SOHLH2: variants seen among roughly 807,000 people sequenced by gnomAD.
SOHLH2 encodes the protein spermatogenesis and oogenesis specific basic helix-loop-helix 2.
A neutral mutation model predicts 50.4 loss-of-function variants in SOHLH2; 22 were observed. The ratio of observed to expected loss-of-function variants is 0.44; its 90% CI spans 0.31 to 0.62. SOHLH2 has a LOEUF of 0.62. Among genes scored for constraint, SOHLH2 ranks in the 20% least tolerant of loss-of-function variants. The pLI is 0.08. For missense variants in SOHLH2, 412 were observed against 504.4 expected (o/e 0.82, Z 1.76); for synonymous variants, 185 against 187.3 (o/e 0.99, Z 0.10).
chr13:36,214,199 C>T (rs1392977068), intron 1 of SOHLH2, among the ~76,000 whole-genome samples: 1 of 152,160 alleles, frequency 6.6e-6, no homozygotes. Context: ...CCTTGGCCTC[C>T]TCTCCCGAGA....
In SOHLH2 at chr13:36,174,733, CG is replaced by C. The variant is rs1566035455; in HGVS notation, c.777del (p.Val260LeufsTer13). ...VKYIREKISP[A>X]VMAQITEALQ... is the part of the protein sequence containing the mutation. ...TGGGAGTCAAATACCTGGGCCATAACGGCTGGAGAGATTTTCTCCCGGATAT... is the reference window on the plus strand; with the variant it reads ...TGGGAGTCAAATACCTGGGCCATAACGCTGGAGAGATTTTCTCCCGGATAT... On this transcript the variant is annotated frameshift_variant, in exon 7 of 11. Transcript: ENST00000379881. LOFTEE classifies it high-confidence loss of function. 1.2e-6 allele frequency: 2 copies of C among 1,605,972 alleles called. No individual in the cohort carries two copies. Among genetic ancestry groups the C allele is most frequent in the Non-Finnish European group, 1.7e-6 (2 of 1,177,078 alleles).
chr13:36,214,475 T>A lies in SOHLH2; in HGVS notation c.48+4A>T, dbSNP rs373372704. On this transcript the variant is annotated splice_donor_region_variant and intron_variant, in intron 1 of 10. Coordinates refer to ENST00000379881, the MANE Select transcript of SOHLH2 (RefSeq NM_017826.3). The stretch of plus-strand genomic sequence containing the variant: ...CAGCTGCCTCCCCTTCCACAGCCTC[T>A]TACCTGGCCCGAGATCTGGCAGTGC... The A allele has an allele frequency of 6.2e-7, 1 of 1,612,508 alleles. No homozygotes were observed. The highest frequency in any genetic ancestry group is 1.3e-5 in the African/African-American group (1 of 74,848).
At chr13:36,213,866 T>C (rs1869268476) in intron 1 of SOHLH2, among the ~76,000 whole-genome samples, 1 of 152,082 alleles carries the variant, frequency 6.6e-6, no homozygotes, top group Non-Finnish European at 1.5e-5. Context: ...GAGACGGGAA[T>C]GCAGGAAAAT....
intron 10 of SOHLH2, 146 bp from the exon 11 acceptor site, chr13:36,169,200 T>A: frequency 8.2e-7 from 1 of 1,219,372 alleles, no homozygotes; most frequent in Non-Finnish European, 1.1e-6. Flanking sequence ...GCTTACAGGT[T>A]TTTAAATATA....
chr13:36,202,122 A>G lies in SOHLH2; in HGVS notation c.49-29T>C, dbSNP rs201554078. 2.1e-4 allele frequency: 336 copies of G among 1,611,978 alleles called. 1 individual carries two copies. Among genetic ancestry groups the G allele is most frequent in the African/African-American group, 3.5e-4 (26 of 75,028 alleles). ...AAAGAGAAGGAAGCAGAGGCGTCAC[A>G]TAATTATTGCCTAGGCATAGGGAAA... On this transcript the variant is annotated intron_variant, in intron 1 of 10. Transcript: ENST00000379881.
intron 10 of SOHLH2, 54 bp from the exon 11 acceptor site, chr13:36,169,108 C>T: frequency 1.3e-6 from 2 of 1,572,010 alleles, no homozygotes; most frequent in Admixed American, 2.0e-5. Flanking sequence ...CACTCTTACT[C>T]ATAATGTCAT....
At chr13:36,193,268 A>C (rs1887627352) in intron 4 of SOHLH2, among the ~76,000 whole-genome samples, 1 of 152,242 alleles carries the variant, frequency 6.6e-6, no homozygotes, top group Non-Finnish European at 1.5e-5. Context: ...AGAAAGCACA[A>C]TACAATTGTA....
intron 2 of SOHLH2, 53 bp from the exon 3 acceptor site, chr13:36,193,920 T>C: frequency 9.0e-6 from 14 of 1,554,662 alleles, no homozygotes; most frequent in Non-Finnish European, 1.1e-5. Context: ...TTCAAAAAAT[T>C]GAGATTCAGG....
chr13:36,213,948 C>T (rs1401108812), intron 1 of SOHLH2, among the ~76,000 whole-genome samples: 2 of 151,992 alleles, frequency 1.3e-5, no homozygotes, highest in African/African-American at 4.8e-5. Flanking sequence ...GCCACCAGCC[C>T]CAGAGTGCCT....
chr13:36,187,744 G>T (rs1887460334), intron 6 of SOHLH2, among the ~76,000 whole-genome samples: 1 of 152,182 alleles, frequency 6.6e-6, no homozygotes, highest in African/African-American at 2.4e-5. Flanking sequence ...ATTTTCCATG[G>T]AAGAGACATT....
chr13:36,191,281 A>G (rs1292829367), intron 5 of SOHLH2, among the ~76,000 whole-genome samples: 1 of 152,294 alleles, frequency 6.6e-6, no homozygotes, highest in African/African-American at 2.4e-5. Context: ...ATACCAAACA[A>G]GAAGATTCCA....
chr13:36,189,999 G>T lies in SOHLH2; in HGVS notation c.588C>A (p.Phe196Leu). 1 of 1,604,830 alleles carries T rather than the reference G, an allele frequency of 6.2e-7. No homozygotes were observed. The highest frequency in any genetic ancestry group is 1.1e-5 in the South Asian group (1 of 89,530). Residue 196 changes from phenylalanine (F) to leucine (L), a missense_variant, in exon 6 of 11, where the codon TTC becomes TTA. Phe to Leu is a conservative substitution (Grantham distance 22). Coordinates refer to ENST00000379881, the MANE Select transcript of SOHLH2 (RefSeq NM_017826.3). ...GLELNASLSE[F>L]EKNKKISLLH... ...GAAGAGAGATCTTTTTGTTTTTCTCGAACTCTGACAACGAAGCATTTAATT... is the reference window on the plus strand; with the variant it reads ...GAAGAGAGATCTTTTTGTTTTTCTCTAACTCTGACAACGAAGCATTTAATT...
At chr13:36,182,114 A>C in intron 6 of SOHLH2, 2 of 985,434 alleles carry the variant, frequency 2.0e-6, no homozygotes, top group Non-Finnish European at 2.4e-6. Flanking sequence ...AGAGGCAAGA[A>C]AAAAGTGTCC....
rs145834689 is a variant in SOHLH2, at chr13:36,207,559, T to C, written c.49-5466A>G. On this transcript the variant is annotated intron_variant, in intron 1 of 10. Coordinates refer to ENST00000379881, the MANE Select transcript of SOHLH2 (RefSeq NM_017826.3). Reference sequence around the variant, plus strand: ...TAGTATGTTTATCAAAACTAAGAAATTGTGAGAAAGAAAACCCTAAGAAAT... The same window carrying C: ...TAGTATGTTTATCAAAACTAAGAAACTGTGAGAAAGAAAACCCTAAGAAAT... Among the ~76,000 whole-genome samples the C allele has an allele frequency of 3.0e-3, 457 of 152,226 alleles. 2 individuals carry two copies. Among genetic ancestry groups the C allele is most frequent in the African/African-American group, 0.01 (426 of 41,542 alleles).
intron 1 of SOHLH2, among the ~76,000 whole-genome samples, chr13:36,207,489 T>C (rs1300385879): frequency 6.6e-6 from 1 of 152,194 alleles, no homozygotes; most frequent in Non-Finnish European, 1.5e-5. Flanking sequence ...TGAGTTCTCA[T>C]AAACATCTGA....
Position 36,170,608 on chromosome 13 carries a change from G to A in SOHLH2, c.1180C>T (p.Pro394Ser). Residue 394 changes from proline (P) to serine (S), a missense_variant, in exon 10 of 11, where the codon CCC becomes TCC. Transcript: ENST00000379881. Reference sequence around the variant, plus strand: ...CGAGGGAGAAGCTTTGAGACCGGGGGCATGGCTGAAGGTAAATGAATTGAA... The same window carrying A: ...CGAGGGAGAAGCTTTGAGACCGGGGACATGGCTGAAGGTAAATGAATTGAA... ...NISIHLPSAM[P>S]PVSKLLPRHC... The A allele has an allele frequency of 1.2e-6, 2 of 1,614,192 alleles. No individual in the cohort carries two copies. The highest frequency in any genetic ancestry group is 1.7e-5 in the Admixed American group (1 of 60,020).
chr13:36,203,937 TTTAA>T (rs1291760318), intron 1 of SOHLH2, among the ~76,000 whole-genome samples: 3 of 147,082 alleles, frequency 2.0e-5, no homozygotes, highest in Non-Finnish European at 4.4e-5. Context: ...TCACTCTGCC[TTTAA>T]TTCTTTTTTT....
intron 2 of SOHLH2, among the ~76,000 whole-genome samples, chr13:36,201,065 A>G (rs1284502807): frequency 2.7e-5 from 4 of 150,816 alleles, no homozygotes; most frequent in Non-Finnish European, 3.0e-5. Context: ...AAAAAAAAAA[A>G]AAAAAAGAAA....
chr13:36,206,627 T>C (rs1029960207), intron 1 of SOHLH2, among the ~76,000 whole-genome samples: 6 of 151,974 alleles, frequency 3.9e-5, no homozygotes, highest in Non-Finnish European at 4.4e-5. Context: ...TAATCGTCCA[T>C]GGGTACTTGA....
Sources: gnomAD v4.1 joint callset for allele counts (sites outside exome capture counted in the v4.1 genomes callset) on GRCh38, gnomAD v4.1.1 for gene constraint, MANE v1.5 for transcripts, NCBI Gene and HGNC (gene_info 2026-07-23, HGNC 2026-07-21) for gene names.